Variants in GRID2 observed in about 807,000 individuals in gnomAD.
GRID2 encodes the protein glutamate receptor ionotropic, delta-2.
In GRID2, 33 loss-of-function variants were observed where a neutral mutation model predicts 114.8. That is an observed-to-expected ratio of 0.29 (90% CI 0.22 to 0.38). The LOEUF (loss-of-function observed/expected upper bound fraction) is 0.38, where lower values mean the gene tolerates loss of function less well. Among genes scored for constraint, GRID2 ranks in the 10% least tolerant of loss-of-function variants. The probability of loss-of-function intolerance (pLI) is 1.00; values close to 1 mark genes in which losing one functional copy is unlikely to be tolerated. For missense variants in GRID2, 1,184 were observed against 1,257.7 expected (o/e 0.94, Z 0.89); for synonymous variants, 505 against 449.9 (o/e 1.12, Z -1.55).
chr4:92,592,946 C>A (rs1028975032), intron 2 of GRID2, among the ~76,000 whole-genome samples: 1 of 151,860 alleles, frequency 6.6e-6, no homozygotes, highest in Non-Finnish European at 1.5e-5. Flanking sequence ...AGGAGAAAAC[C>A]TCAACTGTGC....
chr4:92,484,198 A>G (rs1162958857), intron 1 of GRID2, among the ~76,000 whole-genome samples: 1 of 152,304 alleles, frequency 6.6e-6, no homozygotes, highest in Non-Finnish European at 1.5e-5. Context: ...TAGTAATTGT[A>G]ACCTACCCAA....
intron 8 of GRID2, among the ~76,000 whole-genome samples, chr4:93,393,880 T>C (rs980041862): frequency 6.6e-6 from 1 of 152,010 alleles, no homozygotes; most frequent in African/African-American, 2.4e-5. Flanking sequence ...AAGAAATTCC[T>C]GTGTGTGCTT....
At chr4:93,403,429 C>A (rs763266955) in intron 9 of GRID2, among the ~76,000 whole-genome samples, 1 of 151,858 alleles carries the variant, frequency 6.6e-6, no homozygotes, top group Non-Finnish European at 1.5e-5. Context: ...AAAAACAACA[C>A]TAACAAAAAA....
chr4:93,682,099 C>G (rs1184528978), intron 14 of GRID2, among the ~76,000 whole-genome samples: 1 of 151,718 alleles, frequency 6.6e-6, no homozygotes, highest in Non-Finnish European at 1.5e-5. Flanking sequence ...TAACAAACAA[C>G]CCCATCAACA....
At chr4:92,515,659 G>C (rs1724463596) in intron 1 of GRID2, among the ~76,000 whole-genome samples, 1 of 151,818 alleles carries the variant, frequency 6.6e-6, no homozygotes. Flanking sequence ...TCTACCTTGG[G>C]TATTGTAGAA....
chr4:92,392,021 G>A (rs1730261983), intron 1 of GRID2, among the ~76,000 whole-genome samples: 1 of 152,074 alleles, frequency 6.6e-6, no homozygotes, highest in Non-Finnish European at 1.5e-5. Context: ...AAAATCCACA[G>A]TATTTTCTCC....
At chr4:92,846,795 AAG>A (rs1187671068) in intron 2 of GRID2, among the ~76,000 whole-genome samples, 5 of 152,136 alleles carry the variant, frequency 3.3e-5, no homozygotes, top group African/African-American at 9.6e-5. Context: ...ACTTGAAACA[AAG>A]AGAGCTCATT....
chr4:93,734,395 A>G (rs916415465), intron 14 of GRID2, among the ~76,000 whole-genome samples: 5 of 152,024 alleles, frequency 3.3e-5, no homozygotes, highest in East Asian at 1.9e-4. Context: ...ATCTGGTAAG[A>G]TAAAACAAGT....
At chr4:92,810,599 AG>A (rs1740622823) in intron 2 of GRID2, among the ~76,000 whole-genome samples, 1 of 152,122 alleles carries the variant, frequency 6.6e-6, no homozygotes, top group Non-Finnish European at 1.5e-5. Flanking sequence ...TAGATATACA[AG>A]GTTGTGTGTA....
At chr4:93,171,164 C>T (rs995285926) in intron 4 of GRID2, among the ~76,000 whole-genome samples, 2 of 152,186 alleles carry the variant, frequency 1.3e-5, no homozygotes, top group Admixed American at 6.5e-5. Context: ...TACCTACTTT[C>T]AACCCATTAC....
intron 2 of GRID2, among the ~76,000 whole-genome samples, chr4:92,909,350 T>C (rs1748200038): frequency 6.6e-6 from 1 of 152,156 alleles, no homozygotes; most frequent in African/African-American, 2.4e-5. Context: ...AAAAGAGCAC[T>C]TTTTCACATA....
chr4:93,006,446 A>C (rs927184906), intron 2 of GRID2, among the ~76,000 whole-genome samples: 2 of 152,184 alleles, frequency 1.3e-5, no homozygotes, highest in South Asian at 2.1e-4. Flanking sequence ...ATAGAAAAGA[A>C]GGTGTTTGAA....
rs76684233 is a variant in GRID2, at chr4:93,635,502, C to A, written c.2360+9067C>A. Among the ~76,000 whole-genome samples, 955 of 151,784 alleles carry A rather than the reference C, an allele frequency of 6.3e-3. 14 individuals are homozygous for A. Among genetic ancestry groups the A allele is most frequent in the African/African-American group, 0.021 (885 of 41,460 alleles). On this transcript the variant is annotated intron_variant, in intron 14 of 15. Transcript: ENST00000282020. ...TTTTCTTTTCTCATATAATACACATCTATTTAGATAAGGACTAGCCTCTGG... is the reference window on the plus strand; with the variant it reads ...TTTTCTTTTCTCATATAATACACATATATTTAGATAAGGACTAGCCTCTGG...
chr4:93,074,648 C>G (rs1729099009), intron 2 of GRID2, among the ~76,000 whole-genome samples: 1 of 151,874 alleles, frequency 6.6e-6, no homozygotes, highest in Non-Finnish European at 1.5e-5. Context: ...AAGATCAGAG[C>G]CGAAATCAAT....
chr4:93,745,785 G>A (rs972205242), intron 14 of GRID2, among the ~76,000 whole-genome samples: 3 of 152,124 alleles, frequency 2.0e-5, no homozygotes, highest in Non-Finnish European at 4.4e-5. Context: ...GATGAAAAAT[G>A]CAATTACTTT....
rs1473579878 is a variant in GRID2 at position 93,399,620 on chromosome 4, T to A, written c.1347+3912T>A. On this transcript the variant is annotated intron_variant, in intron 9 of 15. Transcript: ENST00000282020. ...GAAGCATTATTACTAGACAAAGCAA[T>A]AGAGCCATGGGAGAGAGACCATCAC... is the stretch of plus-strand genomic sequence containing the variant. Among the ~76,000 whole-genome samples the A allele has an allele frequency of 2.0e-5, 3 of 152,008 alleles. No individual in the cohort carries two copies. The East Asian group carries it at 5.8e-4, about 29-fold the overall frequency.
At chr4:92,419,381 A>T (rs531806775) in intron 1 of GRID2, among the ~76,000 whole-genome samples, 46 of 152,250 alleles carry the variant, frequency 3.0e-4, no homozygotes, top group African/African-American at 1.0e-3. Context: ...CTGCCTTGGG[A>T]TAGAATCGAG....
At chr4:92,483,274 G>A (rs1393142830) in intron 1 of GRID2, among the ~76,000 whole-genome samples, 2 of 152,086 alleles carry the variant, frequency 1.3e-5, no homozygotes, top group African/African-American at 2.4e-5. Context: ...AGAGGCAGAG[G>A]TTGCAGTGAG....
intron 2 of GRID2, among the ~76,000 whole-genome samples, chr4:92,901,843 G>C (rs1056306821): frequency 3.3e-5 from 5 of 151,864 alleles, no homozygotes; most frequent in African/African-American, 1.2e-4. Flanking sequence ...GTGTGTGTGT[G>C]TCCTTGTCTT....
Sources: gnomAD v4.1 joint callset for allele counts (sites outside exome capture counted in the v4.1 genomes callset) on GRCh38, gnomAD v4.1.1 for gene constraint, MANE v1.5 for transcripts, NCBI Gene and HGNC (gene_info 2026-07-23, HGNC 2026-07-21) for gene names.